LRP1B: variants seen among roughly 807,000 people sequenced by gnomAD.
The protein encoded by LRP1B is LDL receptor related protein 1B.
LRP1B carries 217 observed loss-of-function variants against 556.6 expected under a neutral mutation model. The observed-to-expected ratio is 0.39, with a 90% CI of 0.35 to 0.44. The LOEUF is 0.44. LRP1B is among the 20% of genes least tolerant of loss of function. The pLI, the probability that LRP1B is intolerant of heterozygous loss-of-function variation, is 1.00. For missense variants in LRP1B, 5,053 were observed against 5,620.8 expected, an observed-to-expected ratio of 0.90 and a Z score of 3.23; for synonymous variants, 2,047 against 1,865.8, an observed-to-expected ratio of 1.10 and a Z score of -2.50.
intron 5 of LRP1B, among the ~76,000 whole-genome samples, chr2:141,241,067 A>G (rs1372996219): frequency 6.6e-6 from 1 of 152,028 alleles, no homozygotes; most frequent in African/African-American, 2.4e-5. Context: ...TCATGAGGAG[A>G]TTTTGTACCC....
chr2:142,123,817 C>T (rs575742499), intron 1 of LRP1B, among the ~76,000 whole-genome samples: 84 of 151,700 alleles, frequency 5.5e-4, no homozygotes, highest in African/African-American at 1.8e-3. Context: ...CTTTTATATA[C>T]GAGCTTATAT....
At chr2:141,653,012 C>T (rs1821821) in intron 2 of LRP1B, among the ~76,000 whole-genome samples, 61,694 of 151,912 alleles carry the variant, frequency 0.41, 12,986 homozygotes, top group Non-Finnish European at 0.47. Context: ...TTTTAATTTT[C>T]ATAATACTTT....
chr2:140,412,765 G>A (rs1023800660), intron 66 of LRP1B, among the ~76,000 whole-genome samples: 5 of 151,962 alleles, frequency 3.3e-5, no homozygotes, highest in African/African-American at 1.2e-4. Context: ...ATGTCAAAAT[G>A]TTTGCCGTTT....
chr2:141,574,631 A>G (rs548747152), intron 2 of LRP1B, among the ~76,000 whole-genome samples: 2 of 152,154 alleles, frequency 1.3e-5, no homozygotes, highest in Non-Finnish European at 2.9e-5. Context: ...GAAAGAAATA[A>G]AGATTATTCA....
At chr2:142,043,091 A>T (rs1704119565) in intron 1 of LRP1B, among the ~76,000 whole-genome samples, 1 of 151,540 alleles carries the variant, frequency 6.6e-6, no homozygotes, top group African/African-American at 2.4e-5. Flanking sequence ...CCTAATCATA[A>T]TCTGTCAAAA....
In LRP1B at chr2:140,702,110, A is replaced by G. The variant is rs762329956; in HGVS notation, c.6302+31T>C. 6 of 1,603,966 alleles carry G rather than the reference A, an allele frequency of 3.7e-6. No individual in the cohort carries two copies. The South Asian group carries it at 6.7e-5, about 18-fold the overall frequency. On this transcript the variant is annotated intron_variant, in intron 39 of 90. Coordinates refer to ENST00000389484, the MANE Select transcript of LRP1B (RefSeq NM_018557.3). ...CAACTGGCACTGAAATAACATTTTG[A>G]GACTCAAATACTTATGAAAAAATAA...
chr2:141,923,473 T>TA (rs1462346949), intron 1 of LRP1B, among the ~76,000 whole-genome samples: 2 of 122,722 alleles, frequency 1.6e-5, no homozygotes, highest in Admixed American at 9.3e-5. Context: ...TGTGTGTGTG[T>TA]GTGTGTGTGT....
chr2:140,339,842 T>TA (rs77325006), intron 77 of LRP1B, among the ~76,000 whole-genome samples: 21,400 of 151,234 alleles, frequency 0.14, 1,985 homozygotes, highest in East Asian at 0.32. Context: ...TGTACGCGAT[T>TA]AAAAAAAACT....
intron 35 of LRP1B, among the ~76,000 whole-genome samples, chr2:140,758,836 T>G (rs1688824571): frequency 6.6e-6 from 1 of 152,094 alleles, no homozygotes; most frequent in South Asian, 2.1e-4. Context: ...TAAGAATCAC[T>G]AATAAATCTT....
At chr2:141,001,708 G>C (rs927122967) in intron 15 of LRP1B, among the ~76,000 whole-genome samples, 1 of 152,120 alleles carries the variant, frequency 6.6e-6, no homozygotes, top group Non-Finnish European at 1.5e-5. Context: ...CCATCTTTAA[G>C]AGGAAGTTTA....
In LRP1B at chr2:141,263,422, G is replaced by A. The variant is rs111273724; in HGVS notation, c.344-8781C>T. 3.1e-3 allele frequency among the ~76,000 whole-genome samples: 473 copies of A among 152,126 alleles called. 4 individuals are homozygous for A. The highest frequency in any genetic ancestry group is 0.01 in the African/African-American group (436 of 41,558). Reference sequence around the variant, plus strand: ...TTGACAACTTAGAGGAAATAGAGAAGTTTCTTCAAAGTTACAAACTGCCAA... The same window carrying A: ...TTGACAACTTAGAGGAAATAGAGAAATTTCTTCAAAGTTACAAACTGCCAA... On this transcript the variant is annotated intron_variant, in intron 3 of 90. Transcript: ENST00000389484.
At position 140,602,976 on chromosome 2, in the gene LRP1B, C is replaced by T. The variant is rs118140407; in HGVS notation, c.6800-1337G>A. On this transcript the variant is annotated intron_variant, in intron 41 of 90. Coordinates refer to ENST00000389484, the MANE Select transcript of LRP1B (RefSeq NM_018557.3). Reference sequence around the variant, plus strand: ...TTAACACAAAATTTTTACCGCCTGGCTCCCCCATTCACCTGATTCCAAAAG... The same window carrying T: ...TTAACACAAAATTTTTACCGCCTGGTTCCCCCATTCACCTGATTCCAAAAG... Among the ~76,000 whole-genome samples the T allele has an allele frequency of 8.1e-3, 1,228 of 152,056 alleles. 32 individuals are homozygous for T. The highest frequency in any genetic ancestry group is 0.046 in the East Asian group (239 of 5,154).
intron 42 of LRP1B, 75 bp from the exon 43 acceptor site, chr2:140,598,910 T>A: frequency 2.2e-6 from 2 of 912,524 alleles, no homozygotes; most frequent in Non-Finnish European, 1.7e-6. Context: ...AACATGGCAA[T>A]ACCAAGCTAT....
chr2:140,961,816 A>C (rs1341245331), intron 18 of LRP1B, among the ~76,000 whole-genome samples: 1 of 152,156 alleles, frequency 6.6e-6, no homozygotes, highest in Non-Finnish European at 1.5e-5. Flanking sequence ...GTTCTAGTCA[A>C]GAGGAAGTCA....
At chr2:141,602,681 C>G (rs567948083) in intron 2 of LRP1B, among the ~76,000 whole-genome samples, 49 of 152,142 alleles carry the variant, frequency 3.2e-4, no homozygotes, top group African/African-American at 1.2e-3. Context: ...CTCTGCTTGC[C>G]AGGATACATT....
chr2:141,544,447 C>T lies in LRP1B; in HGVS notation c.206-63914G>A, dbSNP rs535453735. On this transcript the variant is annotated intron_variant, in intron 2 of 90. Transcript: ENST00000389484. ...TTCTCCTCCTTCTCCTCCTTCTCCTCCTCCTTCTTTTTTTAGAGGAGGTGT... is the reference window on the plus strand; with the variant it reads ...TTCTCCTCCTTCTCCTCCTTCTCCTTCTCCTTCTTTTTTTAGAGGAGGTGT... Among the ~76,000 whole-genome samples the T allele has an allele frequency of 1.5e-3, 207 of 140,010 alleles. 2 individuals are homozygous for T. The highest frequency in any genetic ancestry group is 1.8e-3 in the Non-Finnish European group (116 of 64,120). 91.9% of individuals were successfully genotyped at this position (140,010 alleles called of 152,430 possible). A position where few individuals can be genotyped will look rare whatever the true frequency, so the allele number is the denominator to read the frequency against.
At chr2:141,334,449 C>T (rs1687772104) in intron 3 of LRP1B, among the ~76,000 whole-genome samples, 1 of 152,372 alleles carries the variant, frequency 6.6e-6, no homozygotes, top group Non-Finnish European at 1.5e-5. Context: ...GCTTCCTGTA[C>T]AGCCTGTAGA....
intron 1 of LRP1B, among the ~76,000 whole-genome samples, chr2:141,990,530 A>G (rs920241006): frequency 6.6e-6 from 1 of 152,006 alleles, no homozygotes; most frequent in Non-Finnish European, 1.5e-5. Flanking sequence ...TACAACATAT[A>G]AAGAAAGCAG....
At chr2:141,880,288 C>T (rs1288934141) in intron 1 of LRP1B, among the ~76,000 whole-genome samples, 1 of 151,334 alleles carries the variant, frequency 6.6e-6, no homozygotes, top group Admixed American at 6.6e-5. Flanking sequence ...AGAAAATGCA[C>T]CTAATATTTG....
Sources: gnomAD v4.1 joint callset for allele counts (sites outside exome capture counted in the v4.1 genomes callset) on GRCh38, gnomAD v4.1.1 for gene constraint, MANE v1.5 for transcripts, NCBI Gene and HGNC (gene_info 2026-07-23, HGNC 2026-07-21) for gene names.